WDR62: variants seen among roughly 807,000 people sequenced by gnomAD.
The protein encoded by WDR62 is WD repeat-containing protein 62.
A neutral mutation model predicts 160.6 loss-of-function variants in WDR62; 112 were observed. The observed-to-expected ratio is 0.70, with a 90% CI of 0.60 to 0.82. The LOEUF (loss-of-function observed/expected upper bound fraction) is 0.82. Ranked by LOEUF, WDR62 falls within the 40% of genes least tolerant of loss-of-function variation. The pLI is 0.00. For synonymous variants in WDR62, 792 were observed against 815.1 expected (o/e 0.97, Z 0.48); for missense variants, 1,819 against 1,983.8 (o/e 0.92, Z 1.58).
chr19:36,059,842 G>A, intron 2 of WDR62, 126 bp from the exon 3 acceptor site: 2 of 920,126 alleles, frequency 2.2e-6, no homozygotes, highest in East Asian at 4.8e-5. Flanking sequence ...GGAGGAGGGG[G>A]AGGAGGAGGA....
At chr19:36,060,333 C>T in intron 3 of WDR62, 2 of 435,388 alleles carry the variant, frequency 4.6e-6, no homozygotes, top group Non-Finnish European at 8.5e-6. Context: ...GGTTTGTGGG[C>T]AGAGAATAGG....
chr19:36,095,781 A>T (rs1361746038), intron 20 of WDR62, among the ~76,000 whole-genome samples: 1 of 152,360 alleles, frequency 6.6e-6, no homozygotes, highest in East Asian at 1.9e-4. Context: ...GTGACAAAGC[A>T]AGACTCCGTC....
rs1472196382 is a variant in WDR62 at position 36,103,453 on chromosome 19, G to A, written c.3625G>A (p.Val1209Ile). The A allele has an allele frequency of 3.1e-6, 5 of 1,613,946 alleles. 1 individual carries two copies. The highest frequency in any genetic ancestry group is 4.5e-5 in the East Asian group (2 of 44,874). Residue 1209 changes from valine (V) to isoleucine (I), a missense_variant, in exon 30 of 32, where the codon GTC becomes ATC. Coordinates refer to ENST00000401500, the MANE Select transcript of WDR62 (RefSeq NM_001083961.2). The stretch of plus-strand genomic sequence containing the variant: ...ACCCACCCCAGGCCTGGCTCAGGGT[G>A]TCCATGCCCCCTCCACCTGTTCCTA... ...SAPTPGLAQG[V>I]HAPSTCSYME...
rs977307469 is a variant in WDR62, at chr19:36,073,584, A to G, written c.1233+53A>G. 11 of 1,358,684 alleles carry G rather than the reference A, an allele frequency of 8.1e-6. No individual in the cohort carries two copies. In the African/African-American group the frequency reaches 1.6e-4, roughly 20 times the overall value. The allele number at this position is 1,358,684 out of a possible 1,614,324, so 84.2% of individuals were successfully genotyped here. A position where few individuals can be genotyped will look rare whatever the true frequency, so the allele number is the denominator to read the frequency against. ...CTGCTTGGCCTCTGCACAGTTCCCC[A>G]CAGTTTGGGAACCCATTCAGTAATT... On this transcript the variant is annotated intron_variant, in intron 9 of 31. Transcript: ENST00000401500.
chr19:36,086,925 G>T, intron 13 of WDR62, 113 bp downstream of exon 13: 1 of 1,408,382 alleles, frequency 7.1e-7, no homozygotes, highest in South Asian at 1.2e-5. Context: ...TACAGTATCT[G>T]TGTACAGTAT....
At position 36,080,602 on chromosome 19, in the gene WDR62, G is replaced by A. The variant is rs28808111; in HGVS notation, c.1234-831G>A. Among the ~76,000 whole-genome samples the A allele has an allele frequency of 6.9e-3, 1,049 of 151,898 alleles. 16 individuals carry two copies. The highest frequency in any genetic ancestry group is 0.024 in the African/African-American group (976 of 41,386). Reference sequence around the variant, plus strand: ...GCCTCCCGAGTAGCTGGGATTACAGGTGTGCACCACCACGCCCAGCTAATT... The same window carrying A: ...GCCTCCCGAGTAGCTGGGATTACAGATGTGCACCACCACGCCCAGCTAATT... On this transcript the variant is annotated intron_variant, in intron 9 of 31. Coordinates refer to ENST00000401500, the MANE Select transcript of WDR62 (RefSeq NM_001083961.2).
chr19:36,096,665 C>T (rs1016622253), intron 20 of WDR62, among the ~76,000 whole-genome samples: 4 of 151,036 alleles, frequency 2.6e-5, no homozygotes, highest in East Asian at 1.9e-4. Flanking sequence ...GAGCCGAGAT[C>T]GCGCCACTGC....
Position 36,102,748 on chromosome 19 carries a change from G to A in WDR62, c.3232G>A (p.Ala1078Thr), listed in dbSNP as rs373781801. 9.4e-5 allele frequency: 152 copies of A among 1,613,974 alleles called. No homozygotes were observed. The highest frequency in any genetic ancestry group is 1.3e-4 in the Non-Finnish European group (148 of 1,179,944). The change falls in exon 27 of 32, where the codon GCA becomes ACA. Residue 1078 changes from alanine (A) to threonine (T), a missense_variant. Physicochemically the swap from Ala to Thr is moderately conservative, Grantham distance 58. This residue lies in a region of WDR62 where 770 missense variants were observed against 734.2 expected (regional missense o/e 1.05). Coordinates refer to ENST00000401500, the MANE Select transcript of WDR62 (RefSeq NM_001083961.2). ...TESPCRELFP[A>T]ALGDVEASEA... ...GGATCTTCCCCTAGAGCTCTTCCCC[G>A]CAGCTCTGGGAGACGTGGAGGCCTC...
At chr19:36,090,340 A>G in intron 15 of WDR62, 105 bp from the exon 16 acceptor site, 1 of 1,025,938 alleles carries the variant, frequency 9.7e-7, no homozygotes, top group Non-Finnish European at 1.5e-6. Context: ...TGGGGACAAG[A>G]GGTAGCAGGG....
intron 1 of WDR62, among the ~76,000 whole-genome samples, chr19:36,056,457 T>C (rs1230866707): frequency 6.6e-6 from 1 of 152,186 alleles, no homozygotes; most frequent in East Asian, 1.9e-4. Flanking sequence ...TTGTGATTGG[T>C]GAGTCCTCAG....
intron 30 of WDR62, 36 bp from the exon 31 acceptor site, chr19:36,104,482 C>T: frequency 6.2e-7 from 1 of 1,611,266 alleles, no homozygotes. Context: ...CAATGGAATG[C>T]AGCTCATCTT....
chr19:36,086,117 C>T (rs1972215136), intron 12 of WDR62, among the ~76,000 whole-genome samples: 1 of 152,098 alleles, frequency 6.6e-6, no homozygotes, highest in South Asian at 2.1e-4. Flanking sequence ...ATCCCCCATG[C>T]TGTGTGCCCC....
chr19:36,065,839 C>A, intron 3 of WDR62, 119 bp from the exon 4 acceptor site: 1 of 974,860 alleles, frequency 1.0e-6, no homozygotes, highest in Non-Finnish European at 1.7e-6. Context: ...CTCACCTCTG[C>A]TGGCCTCTTC....
chr19:36,106,611 C>T (rs1193375158), downstream of WDR62, among the ~76,000 whole-genome samples: 2 of 152,162 alleles, frequency 1.3e-5, no homozygotes, highest in Non-Finnish European at 2.9e-5. Flanking sequence ...GGAACACATC[C>T]AGGCCGACAG....
chr19:36,105,118 G>T, downstream of WDR62: 1 of 1,496,452 alleles, frequency 6.7e-7, no homozygotes, highest in South Asian at 1.2e-5. Flanking sequence ...ATGGTTCCTG[G>T]TGTCTGTTTG....
At chr19:36,062,668 A>C (rs992629215) in intron 3 of WDR62, 1 of 150,792 alleles carries the variant, frequency 6.6e-6, no homozygotes, top group African/African-American at 2.5e-5. Flanking sequence ...AAAAAAAAAA[A>C]AAAAAAACTT....
chr19:36,096,270 CAG>C (rs150045709), intron 20 of WDR62, among the ~76,000 whole-genome samples: 2,594 of 152,040 alleles, frequency 0.017, 76 homozygotes, highest in African/African-American at 0.056. Flanking sequence ...ATGTGTGTAT[CAG>C]GGGATGGTGT....
At chr19:36,068,908 C>G (rs1482671139) in intron 7 of WDR62, among the ~76,000 whole-genome samples, 2 of 152,154 alleles carry the variant, frequency 1.3e-5, no homozygotes, top group Non-Finnish European at 2.9e-5. Flanking sequence ...GGCAGAGGGG[C>G]TCCTCACTTC....
intron 11 of WDR62, among the ~76,000 whole-genome samples, chr19:36,083,543 A>G (rs1972030422): frequency 1.3e-5 from 2 of 152,148 alleles, no homozygotes; most frequent in African/African-American, 4.8e-5. Context: ...GCCACATGGT[A>G]CCAGTGCTGA....
Sources: allele counts gnomAD v4.1 joint callset (sites outside exome capture counted in the v4.1 genomes callset), GRCh38; gene constraint gnomAD v4.1.1; regional missense constraint gnomAD v4.1.1; transcripts MANE v1.5; gene names NCBI Gene and HGNC (gene_info 2026-07-23, HGNC 2026-07-21).